Variants in PCDHGB1 observed in about 807,000 individuals in gnomAD.
PCDHGB1 encodes the protein protocadherin gamma-B1.
Under a neutral mutation model 56.6 loss-of-function variants are expected in PCDHGB1, and 34 were observed. The ratio of observed to expected loss-of-function variants is 0.60; its 90% CI spans 0.46 to 0.80. PCDHGB1 has a LOEUF of 0.80. PCDHGB1 is among the 30% of genes least tolerant of loss of function. PCDHGB1 has a pLI of 0.00. For missense variants in PCDHGB1, 1,278 were observed against 1,204.6 expected, an observed-to-expected ratio of 1.06 and a Z score of -0.90; for synonymous variants, 561 against 505.9, an observed-to-expected ratio of 1.11 and a Z score of -1.46.
At chr5:141,479,930 T>C (rs1355410974) in intron 1 of PCDHGB1, among the ~76,000 whole-genome samples, 15 of 152,218 alleles carry the variant, frequency 9.9e-5, no homozygotes, top group Non-Finnish European at 1.9e-4. Context: ...CAGTGCATCA[T>C]TGCTATCAAC....
intron 1 of PCDHGB1, chr5:141,409,411 AC>A (rs1172458730): frequency 6.2e-7 from 1 of 1,614,004 alleles, no homozygotes; most frequent in African/African-American, 1.3e-5. Flanking sequence ...ACTACTACAA[AC>A]TGGTGACAGA....
At chr5:141,454,000 T>C (rs1048921374) in intron 1 of PCDHGB1, among the ~76,000 whole-genome samples, 2 of 152,214 alleles carry the variant, frequency 1.3e-5, no homozygotes, top group African/African-American at 4.8e-5. Flanking sequence ...TAAACCCACA[T>C]AACATTTTAG....
intron 1 of PCDHGB1, chr5:141,366,432 C>T (rs1250180313): frequency 3.7e-6 from 6 of 1,614,064 alleles, no homozygotes; most frequent in South Asian, 1.1e-5. Context: ...GCTGCAGTCT[C>T]CTGCGTCTTC....
At chr5:141,408,716 A>G in intron 1 of PCDHGB1, 2 of 1,611,732 alleles carry the variant, frequency 1.2e-6, no homozygotes, top group East Asian at 2.2e-5. Context: ...AGATTATAAG[A>G]TAAACTCTAA....
At chr5:141,433,295 G>A (rs754784548) in intron 1 of PCDHGB1, 22 of 1,044,006 alleles carry the variant, frequency 2.1e-5, no homozygotes, top group Non-Finnish European at 2.9e-5. Flanking sequence ...CTAGGCTCAA[G>A]CAATTATCCC....
intron 1 of PCDHGB1, chr5:141,422,008 C>T (rs767148055): frequency 1.2e-5 from 20 of 1,609,502 alleles, no homozygotes; most frequent in Admixed American, 5.1e-5. Context: ...CTCCGGAACT[C>T]GGGTGCTGAT....
intron 1 of PCDHGB1, chr5:141,371,668 C>A: frequency 6.2e-7 from 1 of 1,614,026 alleles, no homozygotes; most frequent in Middle Eastern, 1.6e-4. Context: ...ATCACAGCTA[C>A]CGACAAAGGC....
intron 1 of PCDHGB1, chr5:141,372,300 G>A: frequency 2.5e-6 from 4 of 1,613,366 alleles, no homozygotes; most frequent in Non-Finnish European, 3.4e-6. Context: ...GGGCGACAGG[G>A]AGGCCGCCCG....
At chr5:141,366,042 G>A (rs1221134506) in intron 1 of PCDHGB1, 5 of 1,614,242 alleles carry the variant, frequency 3.1e-6, no homozygotes, top group Non-Finnish European at 4.2e-6. Flanking sequence ...CCCACAGACG[G>A]TTCCACGGGC....
chr5:141,389,121 A>T (rs754294132), intron 1 of PCDHGB1: 2 of 1,613,910 alleles, frequency 1.2e-6, no homozygotes, highest in Non-Finnish European at 1.7e-6. Flanking sequence ...CCGCGAGCAG[A>T]ATCCAGAGTA....
rs773474154 is a variant in PCDHGB1, at chr5:141,477,751, G to A, written c.2410-17056G>A. The A allele has an allele frequency of 5.0e-6, 8 of 1,613,712 alleles. No individual in the cohort carries two copies. The highest frequency in any genetic ancestry group is 6.8e-6 in the Non-Finnish European group (8 of 1,180,030). ...CTCATATCAGCGATGGGGGCACCCC[G>A]GTCCTAGCCACCAACATCAGCGTGA... On this transcript the variant is annotated intron_variant, in intron 1 of 3. Transcript: ENST00000523390. The surrounding 1 kb of genome is among the most constrained non-coding windows in gnomAD (Gnocchi z 4.9).
Position 141,352,607 on chromosome 5 carries a change from A to G in PCDHGB1, c.2347A>G (p.Met783Val). The G allele has an allele frequency of 6.2e-7, 1 of 1,613,478 alleles. No homozygotes were observed. Among genetic ancestry groups the G allele is most frequent in the Non-Finnish European group, 8.5e-7 (1 of 1,179,642 alleles). ...PQDLLCDDPS[M>V]VVCASNEDHK... ...GGATCTGCTGTGTGATGATCCTTCT[A>G]TGGTTGTATGTGCCAGTAATGAAGA... The change falls in exon 1 of 4, where the codon ATG becomes GTG. Residue 783 changes from methionine (M) to valine (V), a missense_variant. By Grantham distance (21) the Met-to-Val change is conservative. Transcript: ENST00000523390.
At chr5:141,360,499 A>G in intron 1 of PCDHGB1, 2 of 1,613,976 alleles carry the variant, frequency 1.2e-6, no homozygotes, top group Non-Finnish European at 1.7e-6. Flanking sequence ...CATAGCAGTA[A>G]TTGTGCAGGA....
At chr5:141,436,214 A>G (rs1242199916) in intron 1 of PCDHGB1, among the ~76,000 whole-genome samples, 5 of 152,160 alleles carry the variant, frequency 3.3e-5, no homozygotes, top group African/African-American at 7.2e-5. Context: ...AGGAAAACAA[A>G]TGACTTGGGA....
At position 141,371,064 on chromosome 5, in the gene PCDHGB1, T is replaced by C. The variant is rs759777636; in HGVS notation, c.2409+18395T>C. On this transcript the variant is annotated intron_variant, in intron 1 of 3. Transcript: ENST00000523390. ...GGATGGGGGCGAGCCCTCCAGAAGC[T>C]GTACCACCCAGATCAGGGTAATTGT... The C allele has an allele frequency of 4.3e-6, 7 of 1,613,944 alleles. No homozygotes were observed. In the South Asian group the frequency reaches 7.7e-5, roughly 18 times the overall value.
At position 141,350,337 on chromosome 5, in the gene PCDHGB1, C is replaced by T. The variant is rs776161210; in HGVS notation, c.77C>T (p.Ala26Val). ...TTCCTGCTGTCTTTGTTCTGCGGGG[C>T]CATCTCCCAGCAGATCCGATACACG... ...FPFLLSLFCG[A>V]ISQQIRYTIP... is the part of the protein sequence containing the mutation. The change falls in exon 1 of 4, where the codon GCC becomes GTC. Residue 26 changes from alanine to valine, a missense_variant. By Grantham distance (64) the Ala-to-Val change is moderately conservative. Transcript: ENST00000523390. The T allele has an allele frequency of 6.5e-7, 1 of 1,540,822 alleles. No homozygotes were observed. Among genetic ancestry groups the T allele is most frequent in the South Asian group, 1.3e-5 (1 of 77,608 alleles).
At chr5:141,360,876 C>G in intron 1 of PCDHGB1, 1 of 1,614,008 alleles carries the variant, frequency 6.2e-7, no homozygotes, top group Middle Eastern at 1.7e-4. Context: ...AGGACGTGTA[C>G]AGGGTCACCC....
Position 141,422,964 on chromosome 5 carries a change from G to C in PCDHGB1, c.2409+70295G>C, listed in dbSNP as rs375881737. 1.0e-4 allele frequency: 161 copies of C among 1,614,190 alleles called. No individual in the cohort carries two copies. In the African/African-American group the frequency reaches 1.9e-3, roughly 20 times the overall value. ...ACGGCTCCACTGGCGTGGAGCTGGC[G>C]CCCCGCTCTGCGGAACCTGGCTACC... On this transcript the variant is annotated intron_variant, in intron 1 of 3. Coordinates refer to ENST00000523390, the MANE Select transcript of PCDHGB1 (RefSeq NM_018922.3).
At chr5:141,366,726 C>G (rs761086416) in intron 1 of PCDHGB1, 3 of 1,613,226 alleles carry the variant, frequency 1.9e-6, no homozygotes, top group Admixed American at 3.3e-5. Context: ...AAGGTAGATG[C>G]AAACAAAGAA....
Sources: gnomAD v4.1 joint callset for allele counts (sites outside exome capture counted in the v4.1 genomes callset) on GRCh38, gnomAD v4.1.1 for gene constraint, Gnocchi (gnomAD v3.1) non-coding constraint, MANE v1.5 for transcripts, NCBI Gene and HGNC (gene_info 2026-07-23, HGNC 2026-07-21) for gene names.